ZDHHC14: variants seen among roughly 807,000 people sequenced by gnomAD.
ZDHHC14 encodes zDHHC palmitoyltransferase 14.
A neutral mutation model predicts 47.7 loss-of-function variants in ZDHHC14; 16 were observed. That is an observed-to-expected ratio of 0.34 (90% CI 0.23 to 0.51). The LOEUF is 0.51. Ranked by LOEUF, ZDHHC14 falls within the 20% of genes least tolerant of loss-of-function variation. The probability of loss-of-function intolerance (pLI) is 0.97; values close to 1 mark genes in which losing one functional copy is unlikely to be tolerated. For synonymous variants in ZDHHC14, 293 were observed against 278.9 expected, an observed-to-expected ratio of 1.05 and a Z score of -0.50; for missense variants, 515 against 662.5, an observed-to-expected ratio of 0.78 and a Z score of 2.44.
At position 157,628,668 on chromosome 6, in the gene ZDHHC14, C is replaced by T. The variant is rs1221808741; in HGVS notation, c.703+182C>T. 2.7e-5 allele frequency: 20 copies of T among 728,528 alleles called. 1 individual carries two copies. Among genetic ancestry groups the T allele is most frequent in the South Asian group, 2.0e-4 (11 of 53,922 alleles). 45.1% of individuals were successfully genotyped at this position (728,528 alleles called of 1,614,324 possible). On this transcript the variant is annotated intron_variant, in intron 4 of 8. Coordinates refer to ENST00000359775, the MANE Select transcript of ZDHHC14 (RefSeq NM_024630.3). The stretch of plus-strand genomic sequence containing the variant: ...TTCTCACCCTCCTCCATCCCTCCTC[C>T]GTCCCCTGTCATCCCCCACTCCCCA...
chr6:157,422,620 A>G (rs1265417084), intron 1 of ZDHHC14, among the ~76,000 whole-genome samples: 1 of 152,148 alleles, frequency 6.6e-6, no homozygotes, highest in African/African-American at 2.4e-5. Context: ...GGCAGACTCT[A>G]CACTCTGTTT....
chr6:157,471,468 C>T (rs1167398765), intron 1 of ZDHHC14, among the ~76,000 whole-genome samples: 1 of 152,216 alleles, frequency 6.6e-6, no homozygotes, highest in Non-Finnish European at 1.5e-5. Flanking sequence ...GAAATTTGCA[C>T]TGCACAGCGG....
chr6:157,649,282 G>A lies in ZDHHC14; in HGVS notation c.965+1914G>A, dbSNP rs534019776. ...TGTGGGGCAGCACTGAAGGGGCTCC[G>A]GGGGAGGCTTTTATTGGGTGAAGGC... On this transcript the variant is annotated intron_variant, in intron 7 of 8. Coordinates refer to ENST00000359775, the MANE Select transcript of ZDHHC14 (RefSeq NM_024630.3). Among the ~76,000 whole-genome samples the A allele has an allele frequency of 9.2e-5, 14 of 152,336 alleles. 1 individual carries two copies. The highest frequency in any genetic ancestry group is 1.3e-4 in the Non-Finnish European group (9 of 68,032).
At chr6:157,637,059 G>A (rs138700429) in intron 5 of ZDHHC14, among the ~76,000 whole-genome samples, 7 of 152,316 alleles carry the variant, frequency 4.6e-5, no homozygotes, top group African/African-American at 9.6e-5. Flanking sequence ...GTAAGCATGC[G>A]TTGGGTGCTA....
chr6:157,603,529 C>T (rs1225474031), intron 3 of ZDHHC14, among the ~76,000 whole-genome samples: 1 of 152,096 alleles, frequency 6.6e-6, no homozygotes, highest in African/African-American at 2.4e-5. Context: ...GAATTCAGCC[C>T]TAGGAGGACT....
chr6:157,568,513 C>T (rs112887073), intron 2 of ZDHHC14, among the ~76,000 whole-genome samples: 2,090 of 152,216 alleles, frequency 0.014, 45 homozygotes, highest in African/African-American at 0.048. Context: ...TAGTAATCCA[C>T]TGTATGATCA....
At chr6:157,439,528 T>G (rs1778520554) in intron 1 of ZDHHC14, among the ~76,000 whole-genome samples, 1 of 152,166 alleles carries the variant, frequency 6.6e-6, no homozygotes, top group Non-Finnish European at 1.5e-5. Flanking sequence ...GGCAAGGCTG[T>G]GGGGAAATAG....
At position 157,656,299 on chromosome 6, in the gene ZDHHC14, G is replaced by GGT. The variant is rs1323004464; in HGVS notation, c.1068+2673_1068+2674dup. Among the ~76,000 whole-genome samples the GGT allele has an allele frequency of 5.3e-5, 8 of 151,868 alleles. No homozygotes were observed. In the South Asian group the frequency reaches 8.3e-4, roughly 16 times the overall value. ...TGTCGCAGTGCAGCAGCTGCCTGTT[G>GGT]GTCACCCCTTGTCACTCAATTCAGT... is the stretch of plus-strand genomic sequence containing the variant. On this transcript the variant is annotated intron_variant, in intron 8 of 8. Coordinates refer to ENST00000359775, the MANE Select transcript of ZDHHC14 (RefSeq NM_024630.3).
chr6:157,661,943 C>T (rs1778359293), intron 8 of ZDHHC14, among the ~76,000 whole-genome samples: 1 of 151,266 alleles, frequency 6.6e-6, no homozygotes, highest in African/African-American at 2.4e-5. Context: ...CCTGCCTCAG[C>T]CTCCCAGGTA....
intron 2 of ZDHHC14, among the ~76,000 whole-genome samples, chr6:157,576,999 T>C (rs151065666): frequency 0.015 from 2,343 of 152,234 alleles, 63 homozygotes; most frequent in African/African-American, 0.054. Flanking sequence ...TTTTTTATGA[T>C]CTTCTCCCCC....
intron 3 of ZDHHC14, among the ~76,000 whole-genome samples, chr6:157,626,691 C>T (rs1452075502): frequency 6.6e-6 from 1 of 152,164 alleles, no homozygotes; most frequent in South Asian, 2.1e-4. Flanking sequence ...GCAACGTCCA[C>T]AGTTTACATT....
chr6:157,667,944 A>C (rs1347452441), intron 8 of ZDHHC14, among the ~76,000 whole-genome samples: 1 of 152,146 alleles, frequency 6.6e-6, no homozygotes, highest in African/African-American at 2.4e-5. Flanking sequence ...ATCTGACAAA[A>C]CTCTGCTCTG....
chr6:157,475,360 T>C (rs1192360031), intron 1 of ZDHHC14, among the ~76,000 whole-genome samples: 1 of 152,186 alleles, frequency 6.6e-6, no homozygotes, highest in Non-Finnish European at 1.5e-5. Context: ...GGATCTTTTG[T>C]GGTTCCATAT....
intron 2 of ZDHHC14, chr6:157,592,682 G>A (rs1487889055): frequency 9.4e-7 from 1 of 1,060,656 alleles, no homozygotes. Flanking sequence ...GCCGCCTACA[G>A]GGAGGGGAGG....
chr6:157,530,098 C>T (rs1382831084), intron 1 of ZDHHC14, among the ~76,000 whole-genome samples: 4 of 152,070 alleles, frequency 2.6e-5, no homozygotes, highest in Non-Finnish European at 5.9e-5. Context: ...TCATTTGCTC[C>T]CTGCAGTCTT....
chr6:157,620,015 GC>G (rs1392903491), intron 3 of ZDHHC14, among the ~76,000 whole-genome samples: 2 of 152,228 alleles, frequency 1.3e-5, no homozygotes, highest in African/African-American at 4.8e-5. Flanking sequence ...CACAAAAGGA[GC>G]TGAGAAGAGA....
At chr6:157,387,901 T>C (rs1777349128) in intron 1 of ZDHHC14, among the ~76,000 whole-genome samples, 1 of 152,174 alleles carries the variant, frequency 6.6e-6, no homozygotes, top group African/African-American at 2.4e-5. Context: ...TGTAAACCTC[T>C]GTACATTAAT....
intron 3 of ZDHHC14, among the ~76,000 whole-genome samples, chr6:157,606,021 C>T (rs560833075): frequency 2.6e-5 from 4 of 152,306 alleles, no homozygotes; most frequent in East Asian, 1.9e-4. Context: ...GAGTACTTTA[C>T]GTGTTTAAAA....
chr6:157,549,272 C>T (rs1468816510), intron 2 of ZDHHC14, among the ~76,000 whole-genome samples: 2 of 152,238 alleles, frequency 1.3e-5, no homozygotes, highest in Non-Finnish European at 1.5e-5. Flanking sequence ...ATGCCGCGGC[C>T]GGCGGGCTTG....
Sources: allele counts gnomAD v4.1 joint callset (sites outside exome capture counted in the v4.1 genomes callset), GRCh38; gene constraint gnomAD v4.1.1; transcripts MANE v1.5; gene names NCBI Gene and HGNC (gene_info 2026-07-23, HGNC 2026-07-21).